The following XRRA1 variants were observed in gnomAD, a reference collection of about 807,000 sequenced individuals.
XRRA1 encodes the protein X-ray radiation resistance-associated protein 1.
Under a neutral mutation model 80.2 loss-of-function variants are expected in XRRA1, and 69 were observed. The observed-to-expected ratio is 0.86, with a 90% confidence interval of 0.71 to 1.05. XRRA1 has a LOEUF of 1.05. Ranked by LOEUF, XRRA1 falls within the 50% of genes least tolerant of loss-of-function variation. The pLI is 0.00. For synonymous variants in XRRA1, 348 were observed against 389.9 expected (o/e 0.89, Z 1.27); for missense variants, 967 against 976.4 (o/e 0.99, Z 0.13).
At chr11:74,846,057 G>T (rs1381825751) in intron 15 of XRRA1, 1 of 152,080 alleles carries the variant, frequency 6.6e-6, no homozygotes, top group East Asian at 1.9e-4. Context: ...GACCTCCCAG[G>T]AGTGGGAGAC....
intron 10 of XRRA1, among the ~76,000 whole-genome samples, chr11:74,882,167 C>A (rs1175543804): frequency 7.9e-5 from 12 of 152,154 alleles, no homozygotes; most frequent in Admixed American, 7.9e-4. Context: ...AGATTTTGGT[C>A]TTTTCACATA....
intron 6 of XRRA1, among the ~76,000 whole-genome samples, chr11:74,929,550 C>T (rs887824550): frequency 4.6e-5 from 7 of 152,216 alleles, no homozygotes; most frequent in African/African-American, 1.7e-4. Context: ...TGTCTAGTTT[C>T]AATTGTCCCC....
chr11:74,930,111 G>A (rs934582018), intron 6 of XRRA1, among the ~76,000 whole-genome samples, 189 bp downstream of exon 6: 4 of 152,118 alleles, frequency 2.6e-5, no homozygotes, highest in African/African-American at 4.8e-5. Flanking sequence ...ACAGAAAAAT[G>A]TTCTAAGTAG....
chr11:74,944,240 T>C (rs1176047557), intron 2 of XRRA1, among the ~76,000 whole-genome samples: 2 of 152,198 alleles, frequency 1.3e-5, no homozygotes, highest in Non-Finnish European at 2.9e-5. Context: ...TCTAATTCAC[T>C]GTCTCTCTTC....
chr11:74,876,865 C>T (rs919330073), intron 10 of XRRA1: 4 of 152,194 alleles, frequency 2.6e-5, no homozygotes, highest in Non-Finnish European at 5.9e-5. Flanking sequence ...CTTTTCCTCT[C>T]GAGATTCGCT....
At position 74,933,703 on chromosome 11, in the gene XRRA1, C is replaced by T. The variant is rs1014260132; in HGVS notation, c.351+98G>A. 2.7e-6 allele frequency: 3 copies of T among 1,104,324 alleles called. No homozygotes were observed. In the Admixed American group the frequency reaches 6.1e-5, roughly 22 times the overall value. 68.4% of individuals were successfully genotyped at this position (1,104,324 alleles called of 1,614,324 possible). ...CTTCTTCGTGACCAGATTTCCAGTC[C>T]CTAGGGACTCTGGAGGTGCAAGAGA... On this transcript the variant is annotated intron_variant, in intron 5 of 18. Transcript: ENST00000684022.
chr11:74,893,485 A>T (rs1249198836), intron 10 of XRRA1, among the ~76,000 whole-genome samples: 2 of 152,138 alleles, frequency 1.3e-5, no homozygotes, highest in Non-Finnish European at 2.9e-5. Flanking sequence ...GCACACCAAC[A>T]TGGCACATGT....
At chr11:74,943,845 A>C (rs924843800) in intron 2 of XRRA1, among the ~76,000 whole-genome samples, 1 of 151,774 alleles carries the variant, frequency 6.6e-6, no homozygotes, top group Non-Finnish European at 1.5e-5. Flanking sequence ...CTTTTGAGAC[A>C]GTGTCTTACT....
At chr11:74,927,816 C>T (rs1942632156) in intron 6 of XRRA1, among the ~76,000 whole-genome samples, 2 of 152,162 alleles carry the variant, frequency 1.3e-5, no homozygotes. Context: ...AAAATTAAAA[C>T]ACAACTAAGA....
chr11:74,859,422 A>G (rs544342020), intron 11 of XRRA1, 139 bp from the exon 12 acceptor site: 2 of 928,548 alleles, frequency 2.2e-6, no homozygotes, highest in Admixed American at 3.4e-5. Context: ...ATGTAGGGTC[A>G]TAAGGGTAGA....
chr11:74,915,181 T>C (rs75878605), intron 8 of XRRA1, among the ~76,000 whole-genome samples: 3,786 of 152,272 alleles, frequency 0.025, 133 homozygotes, highest in African/African-American at 0.087. Flanking sequence ...GTCAGAGAGA[T>C]AGCCAGAAAT....
intron 8 of XRRA1, among the ~76,000 whole-genome samples, chr11:74,916,458 T>G (rs1211026165): frequency 6.6e-6 from 1 of 152,188 alleles, no homozygotes; most frequent in Non-Finnish European, 1.5e-5. Flanking sequence ...CCTTTGAAAC[T>G]CTCCAGTGAA....
intron 10 of XRRA1, 58 bp from the exon 11 acceptor site, chr11:74,863,079 C>T (rs928080897): frequency 1.3e-6 from 2 of 1,507,880 alleles, no homozygotes; most frequent in Admixed American, 3.8e-5. Flanking sequence ...ATGCCTAGAG[C>T]ACCCAGGATA....
At chr11:74,874,233 C>CAAAAAAAAA (rs367875228) in intron 10 of XRRA1, among the ~76,000 whole-genome samples, 5 of 48,308 alleles carry the variant, frequency 1.0e-4, no homozygotes, top group African/African-American at 1.5e-4. Flanking sequence ...GACTCCGTCT[C>CAAAAAAAAA]AAAAAAAAAA....
intron 10 of XRRA1, among the ~76,000 whole-genome samples, chr11:74,880,677 G>T (rs1345493881): frequency 4.6e-5 from 7 of 150,998 alleles, no homozygotes; most frequent in Admixed American, 4.0e-4. Flanking sequence ...GTTCTCGTTG[G>T]TTTCAAAGAA....
chr11:74,914,007 T>C (rs1304536624), intron 8 of XRRA1, among the ~76,000 whole-genome samples: 1 of 152,176 alleles, frequency 6.6e-6, no homozygotes, highest in Non-Finnish European at 1.5e-5. Context: ...TTTTTTGAGA[T>C]GGAGTCTCAC....
chr11:74,844,607 G>C (rs2037518486), intron 16 of XRRA1, among the ~76,000 whole-genome samples: 1 of 152,228 alleles, frequency 6.6e-6, no homozygotes. Context: ...CTAACACCCA[G>C]AACAGCCCAG....
At chr11:74,885,816 A>G (rs2048881419) in intron 10 of XRRA1, among the ~76,000 whole-genome samples, 1 of 152,226 alleles carries the variant, frequency 6.6e-6, no homozygotes, top group Non-Finnish European at 1.5e-5. Context: ...AATCCTCAAA[A>G]AAATACTGGC....
Position 74,855,913 on chromosome 11 carries a change from T to G in XRRA1, c.1170+3245A>C, listed in dbSNP as rs189104123. Among the ~76,000 whole-genome samples the G allele has an allele frequency of 4.1e-3, 618 of 152,172 alleles. 4 individuals are homozygous for G. Among genetic ancestry groups the G allele is most frequent in the African/African-American group, 0.015 (605 of 41,464 alleles). ...ACTTTGGGAAGCTGAGGCAGGTGGA[T>G]CACGAGGTCAGGAGTTCAAGACCAG... is the stretch of plus-strand genomic sequence containing the variant. On this transcript the variant is annotated intron_variant, in intron 12 of 18. Transcript: ENST00000684022.
Sources: allele counts gnomAD v4.1 joint callset (sites outside exome capture counted in the v4.1 genomes callset), GRCh38; gene constraint gnomAD v4.1.1; transcripts MANE v1.5; gene names NCBI Gene and HGNC (gene_info 2026-07-23, HGNC 2026-07-21).